Variants in TMEM192 observed in about 807,000 individuals in gnomAD.
The protein encoded by TMEM192 is transmembrane protein 192.
In TMEM192, 20 loss-of-function variants were observed where a neutral mutation model predicts 26.7. The ratio of observed to expected loss-of-function variants is 0.75; its 90% CI spans 0.53 to 1.09. The LOEUF is 1.09. TMEM192 is among the 50% of genes least tolerant of loss of function. The probability of loss-of-function intolerance (pLI) is 0.00; values close to 1 mark genes in which losing one functional copy is unlikely to be tolerated. For synonymous variants in TMEM192, 124 were observed against 121.0 expected, an observed-to-expected ratio of 1.02 and a Z score of -0.16; for missense variants, 304 against 322.6, an observed-to-expected ratio of 0.94 and a Z score of 0.44.
intron 5 of TMEM192, among the ~76,000 whole-genome samples, chr4:165,085,031 T>C (rs1171773264): frequency 6.6e-6 from 1 of 151,806 alleles, no homozygotes; most frequent in Non-Finnish European, 1.5e-5. Context: ...TCCCAGCACT[T>C]TGGGAGGCTG....
At position 165,108,416 on chromosome 4, in the gene TMEM192, C is replaced by T. The variant is rs140655455; in HGVS notation, c.27+4331G>A. ...GATTACAGGCATGAGCCACCGCACCCGGCCATTTTCTGTAATCCTATATTC... is the reference window on the plus strand; with the variant it reads ...GATTACAGGCATGAGCCACCGCACCTGGCCATTTTCTGTAATCCTATATTC... On this transcript the variant is annotated intron_variant, in intron 1 of 5. Transcript: ENST00000306480. 4.9e-3 allele frequency among the ~76,000 whole-genome samples: 745 copies of T among 152,212 alleles called. 25 individuals carry two copies. Among genetic ancestry groups the T allele is most frequent in the Admixed American group, 0.044 (676 of 15,282 alleles).
chr4:165,108,233 C>T (rs1242295944), intron 1 of TMEM192, among the ~76,000 whole-genome samples: 1 of 149,058 alleles, frequency 6.7e-6, no homozygotes, highest in Non-Finnish European at 1.5e-5. Flanking sequence ...CACCATTCTC[C>T]TGCCTCAGCC....
intron 3 of TMEM192, among the ~76,000 whole-genome samples, chr4:165,097,643 G>T (rs1734945294): frequency 7.0e-6 from 1 of 143,142 alleles, no homozygotes; most frequent in Non-Finnish European, 1.5e-5. Context: ...AGAGGGGGGT[G>T]TCACTCTTTC....
intron 5 of TMEM192, 91 bp downstream of exon 5, chr4:165,085,495 C>T: frequency 3.6e-6 from 3 of 842,342 alleles, no homozygotes; most frequent in Non-Finnish European, 3.8e-6. Context: ...TGTAAAAGTA[C>T]AAATACACAA....
rs1734343356 is a variant in TMEM192 at position 165,075,043 on chromosome 4, A to C, written c.*4615T>G. On this transcript the variant is annotated 3_prime_UTR_variant, in exon 6 of 6. Transcript: ENST00000306480. The stretch of plus-strand genomic sequence containing the variant: ...TACAATTTGAAACAATGACACACTC[A>C]TCAGATGGGTCAAGACTTAAATAAG... 6.6e-6 allele frequency: 1 copy of C among 152,226 alleles called. No individual in the cohort carries two copies. Among genetic ancestry groups the C allele is most frequent in the Non-Finnish European group, 1.5e-5 (1 of 68,040 alleles). 9.4% of individuals were successfully genotyped at this position (152,226 alleles called of 1,614,324 possible).
chr4:165,108,574 A>G (rs1159278134), intron 1 of TMEM192, among the ~76,000 whole-genome samples: 1 of 152,144 alleles, frequency 6.6e-6, no homozygotes, highest in Non-Finnish European at 1.5e-5. Flanking sequence ...CTCTACCTAC[A>G]TGCTCTGTGA....
At chr4:165,102,600 C>T (rs1735062340) in intron 2 of TMEM192, among the ~76,000 whole-genome samples, 1 of 152,070 alleles carries the variant, frequency 6.6e-6, no homozygotes, top group African/African-American at 2.4e-5. Context: ...CCACCCCATT[C>T]TTAACAGTTG....
At chr4:165,089,003 T>C (rs1734689696) in intron 3 of TMEM192, among the ~76,000 whole-genome samples, 1 of 120,106 alleles carries the variant, frequency 8.3e-6, no homozygotes, top group African/African-American at 3.3e-5. Flanking sequence ...GTCGTGTCAC[T>C]GCACTCCAGC....
At chr4:165,100,944 G>A in intron 2 of TMEM192, 52 bp from the exon 3 acceptor site, 1 of 1,274,394 alleles carries the variant, frequency 7.8e-7, no homozygotes, top group Non-Finnish European at 1.1e-6. Flanking sequence ...TAATTAGGAA[G>A]CAATAACTAC....
chr4:165,100,655 T>C lies in TMEM192; in HGVS notation c.412A>G (p.Arg138Gly). The change falls in exon 3 of 6, where the codon AGA (arginine) becomes GGA (glycine). Residue 138 changes from arginine (R) to glycine (G), a missense_variant. By Grantham distance (125) the Arg-to-Gly change is moderately radical. Coordinates refer to ENST00000306480, the MANE Select transcript of TMEM192 (RefSeq NM_001100389.2). The stretch of plus-strand genomic sequence containing the variant: ...GAGGACTGTATCATCAACGCAAGTC[T>C]CTTGAGATGCCTTGTTGATCGGTAG... ...LIYRSTRHLKRLALMIQSSGN... is the reference protein window; with the variant it reads ...LIYRSTRHLKGLALMIQSSGN... 6.2e-7 allele frequency: 1 copy of C among 1,614,186 alleles called. No individual in the cohort carries two copies. Among genetic ancestry groups the C allele is most frequent in the East Asian group, 2.2e-5 (1 of 44,880 alleles).
chr4:165,090,280 G>A (rs757151039), intron 3 of TMEM192, among the ~76,000 whole-genome samples: 216 of 150,074 alleles, frequency 1.4e-3, no homozygotes, highest in Non-Finnish European at 2.4e-3. Flanking sequence ...TCACTTGAGA[G>A]TTTGAGGTGG....
At position 165,106,150 on chromosome 4, in the gene TMEM192, A is replaced by G. The variant is rs1347316344; in HGVS notation, c.28-3054T>C. On this transcript the variant is annotated intron_variant, in intron 1 of 5. Transcript: ENST00000306480. ...AATTACCCTATTTGTATTTTACTAT[A>G]GCAACCCAAACAAAGACACTACCCC... Among the ~76,000 whole-genome samples, 5 of 152,208 alleles carry G rather than the reference A, an allele frequency of 3.3e-5. No homozygotes were observed. The East Asian group carries it at 9.6e-4, about 29-fold the overall frequency.
At chr4:165,085,763 T>TTGAAAAAA in intron 4 of TMEM192, 75 bp from the exon 5 acceptor site, 1 of 1,116,012 alleles carries the variant, frequency 9.0e-7, no homozygotes, top group Non-Finnish European at 1.3e-6. Context: ...TTATGCTAAT[T>TTGAAAAAA]TGCCGTTCTT....
intron 4 of TMEM192, among the ~76,000 whole-genome samples, chr4:165,087,854 T>A (rs920001607): frequency 6.6e-6 from 1 of 152,228 alleles, no homozygotes; most frequent in Non-Finnish European, 1.5e-5. Context: ...TTTTTAATTT[T>A]AAATGCAAGC....
chr4:165,079,602 A>C lies in TMEM192; in HGVS notation c.*56T>G. ...CCCCGTGGCAGCTTGTCAGGTGGTC[A>C]GTCAGTCTCAATTACTCTGGGTTCC... On this transcript the variant is annotated 3_prime_UTR_variant, in exon 6 of 6. Coordinates refer to ENST00000306480, the MANE Select transcript of TMEM192 (RefSeq NM_001100389.2). 5.2e-6 allele frequency: 8 copies of C among 1,533,694 alleles called. No individual in the cohort carries two copies. Among genetic ancestry groups the C allele is most frequent in the Non-Finnish European group, 7.0e-6 (8 of 1,136,282 alleles).
chr4:165,088,459 A>G lies in TMEM192; in HGVS notation c.574+9T>C. On this transcript the variant is annotated intron_variant, in intron 4 of 5. Transcript: ENST00000306480. ...GTTCCTATAAGAACAGGCTCGTTGT[A>G]ATTCTCACCTGTGTAAATGAGGAGA... 1 of 1,610,288 alleles carries G rather than the reference A, an allele frequency of 6.2e-7. No individual in the cohort carries two copies. Among genetic ancestry groups the G allele is most frequent in the South Asian group, 1.1e-5 (1 of 90,570 alleles).
chr4:165,104,691 C>T (rs1735124056), intron 1 of TMEM192, among the ~76,000 whole-genome samples: 2 of 151,986 alleles, frequency 1.3e-5, no homozygotes, highest in South Asian at 2.1e-4. Flanking sequence ...CCACTATGCC[C>T]GGCTAATTTT....
intron 2 of TMEM192, 30 bp from the exon 3 acceptor site, chr4:165,100,922 A>G (rs769581288): frequency 2.6e-6 from 4 of 1,558,862 alleles, no homozygotes; most frequent in Admixed American, 1.9e-5. Context: ...AAAGATTAAT[A>G]TTCAATATTT....
At chr4:165,106,897 T>C (rs1560936509) in intron 1 of TMEM192, among the ~76,000 whole-genome samples, 1 of 152,198 alleles carries the variant, frequency 6.6e-6, no homozygotes, top group Admixed American at 6.5e-5. Flanking sequence ...TATATACATA[T>C]ATCCTATTGG....
Sources: gnomAD v4.1 joint callset for allele counts (sites outside exome capture counted in the v4.1 genomes callset) on GRCh38, gnomAD v4.1.1 for gene constraint, MANE v1.5 for transcripts, NCBI Gene and HGNC (gene_info 2026-07-23, HGNC 2026-07-21) for gene names.